SSBP2: variants seen among roughly 807,000 people sequenced by gnomAD.
SSBP2 encodes single stranded DNA binding protein 2.
Under a neutral mutation model 61.8 loss-of-function variants are expected in SSBP2, and 17 were observed. The ratio of observed to expected loss-of-function variants is 0.28; its 90% CI spans 0.19 to 0.41. The LOEUF is 0.41. Ranked by LOEUF, SSBP2 falls within the 10% of genes least tolerant of loss-of-function variation. The probability of loss-of-function intolerance (pLI) is 1.00; values close to 1 mark genes in which losing one functional copy is unlikely to be tolerated. For synonymous variants in SSBP2, 139 were observed against 141.3 expected (o/e 0.98, Z 0.12); for missense variants, 310 against 458.7 (o/e 0.68, Z 2.96).
intron 6 of SSBP2, among the ~76,000 whole-genome samples, chr5:81,481,711 G>C (rs1359027565): frequency 6.7e-6 from 1 of 150,302 alleles, no homozygotes; most frequent in Non-Finnish European, 1.5e-5. Flanking sequence ...CAAGAACTCT[G>C]ATGCAGTTGT....
intron 4 of SSBP2, among the ~76,000 whole-genome samples, chr5:81,607,761 G>GT (rs1376938738): frequency 1.3e-5 from 2 of 152,076 alleles, no homozygotes; most frequent in Admixed American, 6.5e-5. Flanking sequence ...CATTGACATA[G>GT]TTTGAGTCTC....
chr5:81,724,008 C>T (rs1441907374), intron 1 of SSBP2, among the ~76,000 whole-genome samples: 1 of 152,032 alleles, frequency 6.6e-6, no homozygotes, highest in Admixed American at 6.6e-5. Flanking sequence ...CTCTGCTGCT[C>T]TCTTCTGTCT....
At chr5:81,639,954 G>A (rs890025903) in intron 2 of SSBP2, among the ~76,000 whole-genome samples, 1 of 152,134 alleles carries the variant, frequency 6.6e-6, no homozygotes, top group African/African-American at 2.4e-5. Flanking sequence ...CACTGAAATT[G>A]GTTGCATTTT....
At chr5:81,483,393 G>A (rs1289989237) in intron 6 of SSBP2, among the ~76,000 whole-genome samples, 1 of 152,088 alleles carries the variant, frequency 6.6e-6, no homozygotes, top group Non-Finnish European at 1.5e-5. Context: ...GAGACTAAAT[G>A]CTCATTGATG....
At chr5:81,608,380 T>G (rs1043112963) in intron 4 of SSBP2, among the ~76,000 whole-genome samples, 2 of 152,188 alleles carry the variant, frequency 1.3e-5, no homozygotes, top group Admixed American at 1.3e-4. Context: ...CTCCTAACTG[T>G]GTTGGCCTTT....
intron 13 of SSBP2, among the ~76,000 whole-genome samples, chr5:81,441,633 T>C (rs1763043688): frequency 6.6e-6 from 1 of 152,150 alleles, no homozygotes; most frequent in African/African-American, 2.4e-5. Context: ...AAACCTGTAC[T>C]TCACCACCTC....
intron 5 of SSBP2, among the ~76,000 whole-genome samples, chr5:81,502,694 T>A (rs560026464): frequency 6.6e-6 from 1 of 152,316 alleles, no homozygotes; most frequent in African/African-American, 2.4e-5. Context: ...TCAGTAAACA[T>A]CAACTCCATT....
intron 4 of SSBP2, among the ~76,000 whole-genome samples, chr5:81,541,854 G>A (rs549314014): frequency 5.9e-5 from 9 of 152,298 alleles, no homozygotes; most frequent in Middle Eastern, 3.4e-3. Flanking sequence ...TCTGGACTTC[G>A]TCCATGGCAA....
intron 1 of SSBP2, among the ~76,000 whole-genome samples, chr5:81,736,009 T>G (rs1364179004): frequency 6.6e-6 from 1 of 152,218 alleles, no homozygotes; most frequent in Non-Finnish European, 1.5e-5. Context: ...TCGGATCAAG[T>G]CGCTGCCCAA....
chr5:81,686,854 CAAAAAA>C (rs57665340), intron 1 of SSBP2, among the ~76,000 whole-genome samples: 8 of 91,048 alleles, frequency 8.8e-5, no homozygotes, highest in Non-Finnish European at 1.4e-4. Flanking sequence ...GACTTCATCT[CAAAAAA>C]AAAAAAAAAA....
intron 1 of SSBP2, among the ~76,000 whole-genome samples, chr5:81,717,830 T>A (rs954400562): frequency 3.3e-5 from 5 of 152,162 alleles, no homozygotes; most frequent in Admixed American, 3.3e-4. Flanking sequence ...TGGCATTTTA[T>A]CTCTCCAGCC....
chr5:81,493,097 TC>T (rs926661565), intron 5 of SSBP2, among the ~76,000 whole-genome samples: 1 of 151,900 alleles, frequency 6.6e-6, no homozygotes, highest in Non-Finnish European at 1.5e-5. Context: ...ACAACAGTCC[TC>T]TTTGTTGTGT....
Position 81,421,316 on chromosome 5 carries a change from C to T in SSBP2, c.1057-783G>A, listed in dbSNP as rs139951233. On this transcript the variant is annotated intron_variant, in intron 16 of 16. Transcript: ENST00000320672. The stretch of plus-strand genomic sequence containing the variant: ...CAGGTGATCCCACCACCTCAGCCTC[C>T]CCAGTAGCTGGGACTACAGGCACAC... Among the ~76,000 whole-genome samples, 1,502 of 152,118 alleles carry T rather than the reference C, an allele frequency of 9.9e-3. 20 individuals carry two copies. The highest frequency in any genetic ancestry group is 0.034 in the African/African-American group (1,420 of 41,520).
chr5:81,674,946 G>A (rs565926779), intron 1 of SSBP2, among the ~76,000 whole-genome samples: 11 of 152,250 alleles, frequency 7.2e-5, no homozygotes, highest in African/African-American at 2.6e-4. Context: ...AAATGTATTT[G>A]AAGGCAGAAT....
chr5:81,501,898 G>A (rs917316915), intron 5 of SSBP2, among the ~76,000 whole-genome samples: 2 of 151,856 alleles, frequency 1.3e-5, no homozygotes, highest in Admixed American at 6.6e-5. Flanking sequence ...AATGGTACCC[G>A]ATTGCTTGGG....
chr5:81,479,282 T>C (rs906084609), intron 6 of SSBP2, among the ~76,000 whole-genome samples: 1 of 152,152 alleles, frequency 6.6e-6, no homozygotes, highest in Non-Finnish European at 1.5e-5. Context: ...AATTTTGGCA[T>C]GCATTGTTCT....
chr5:81,592,301 T>A (rs750817244), intron 4 of SSBP2, among the ~76,000 whole-genome samples: 1 of 152,204 alleles, frequency 6.6e-6, no homozygotes, highest in African/African-American at 2.4e-5. Flanking sequence ...GCGCCTGCCA[T>A]TGCCAAGTTA....
At chr5:81,560,770 CATTGTATATATTTAAGGTATTAA>C (rs1772982288) in intron 4 of SSBP2, among the ~76,000 whole-genome samples, 1 of 152,054 alleles carries the variant, frequency 6.6e-6, no homozygotes, top group African/African-American at 2.4e-5. Context: ...TGACAATAAA[CATTGTATATATTTAAGGTATTAA>C]ATTGTATATA....
At chr5:81,617,891 C>T (rs1487363187) in intron 3 of SSBP2, among the ~76,000 whole-genome samples, 3 of 135,162 alleles carry the variant, frequency 2.2e-5, no homozygotes, top group Non-Finnish European at 4.9e-5. Context: ...ACTTTATAGA[C>T]AAGCAAATGC....
Sources: gnomAD v4.1 joint callset for allele counts (sites outside exome capture counted in the v4.1 genomes callset) on GRCh38, gnomAD v4.1.1 for gene constraint, MANE v1.5 for transcripts, NCBI Gene and HGNC (gene_info 2026-07-23, HGNC 2026-07-21) for gene names.